Variants in MARCHF1 observed in about 807,000 individuals in gnomAD.
The protein encoded by MARCHF1 is E3 ubiquitin-protein ligase MARCHF1.
In MARCHF1, 40 loss-of-function variants were observed where a neutral mutation model predicts 54.2. That is an observed-to-expected ratio of 0.74 (90% CI 0.57 to 0.96). The LOEUF (loss-of-function observed/expected upper bound fraction) is 0.96, where lower values mean the gene tolerates loss of function less well. Among genes scored for constraint, MARCHF1 ranks in the 40% least tolerant of loss-of-function variants. The pLI is 0.00. For missense variants in MARCHF1, 586 were observed against 656.5 expected, an observed-to-expected ratio of 0.89 and a Z score of 1.17; for synonymous variants, 236 against 236.3, an observed-to-expected ratio of 1.00 and a Z score of 0.01.
At chr4:164,333,174 A>T (rs1261729176) in intron 1 of MARCHF1, among the ~76,000 whole-genome samples, 1 of 152,118 alleles carries the variant, frequency 6.6e-6, no homozygotes, top group Non-Finnish European at 1.5e-5. Flanking sequence ...TCCTCTCCAC[A>T]TGTGTTTCAG....
Position 164,170,790 on chromosome 4 carries a change from T to G in MARCHF1, c.-322-59128A>C, listed in dbSNP as rs1730504630. 3.3e-5 allele frequency among the ~76,000 whole-genome samples: 5 copies of G among 152,030 alleles called. No homozygotes were observed. The South Asian group carries it at 1.0e-3, about 31-fold the overall frequency. On this transcript the variant is annotated intron_variant, in intron 1 of 9. Coordinates refer to ENST00000514618, the MANE Select transcript of MARCHF1 (RefSeq NM_001394959.1). ...TAAAAGTTAAATAGTAGGAAAAAAT[T>G]TATTCAAAACTAATGGACGAAATCA...
chr4:163,646,438 G>C (rs1742762518), intron 5 of MARCHF1, among the ~76,000 whole-genome samples: 3 of 151,962 alleles, frequency 2.0e-5, no homozygotes, highest in African/African-American at 7.2e-5. Context: ...ACATATAAAA[G>C]TTAAAAAGAC....
chr4:164,091,728 A>G (rs2111134063), intron 2 of MARCHF1, among the ~76,000 whole-genome samples: 1 of 152,162 alleles, frequency 6.6e-6, no homozygotes, highest in East Asian at 1.9e-4. Flanking sequence ...GAAATGTTGT[A>G]TTGTGACTAA....
intron 8 of MARCHF1, among the ~76,000 whole-genome samples, chr4:163,556,718 A>C (rs1405425276): frequency 6.6e-6 from 1 of 152,106 alleles, no homozygotes; most frequent in African/African-American, 2.4e-5. Context: ...AGTTTTGGAT[A>C]TAATAATACT....
At chr4:164,281,995 G>A (rs1438307905) in intron 1 of MARCHF1, among the ~76,000 whole-genome samples, 1 of 145,478 alleles carries the variant, frequency 6.9e-6, no homozygotes, top group African/African-American at 2.5e-5. Flanking sequence ...GTCATGTTTA[G>A]GCTTCATTCC....
intron 1 of MARCHF1, among the ~76,000 whole-genome samples, chr4:164,185,788 TCA>T (rs201883110): frequency 6.9e-5 from 10 of 144,676 alleles, no homozygotes; most frequent in Middle Eastern, 3.5e-3. Flanking sequence ...TTAAAACTAG[TCA>T]CACACACACA....
At chr4:163,957,900 C>G (rs957495315) in intron 3 of MARCHF1, among the ~76,000 whole-genome samples, 1 of 152,020 alleles carries the variant, frequency 6.6e-6, no homozygotes, top group Non-Finnish European at 1.5e-5. Context: ...CTGCTCAATT[C>G]ATGTTTCTCT....
At chr4:164,363,133 G>A (rs1292187344) in intron 1 of MARCHF1, among the ~76,000 whole-genome samples, 2 of 151,774 alleles carry the variant, frequency 1.3e-5, no homozygotes, top group African/African-American at 4.8e-5. Context: ...GACTTTTATA[G>A]AATCAATAAA....
At chr4:163,961,730 C>T (rs903902850) in intron 3 of MARCHF1, among the ~76,000 whole-genome samples, 8 of 151,870 alleles carry the variant, frequency 5.3e-5, no homozygotes, top group Non-Finnish European at 8.8e-5. Flanking sequence ...TTCTCTTTGA[C>T]GCCTTTTTCC....
chr4:163,850,984 A>C (rs1232597670), intron 4 of MARCHF1, among the ~76,000 whole-genome samples: 2 of 152,312 alleles, frequency 1.3e-5, no homozygotes, highest in East Asian at 1.9e-4. Flanking sequence ...TTGAACAACA[A>C]AGGTCCAGTG....
intron 1 of MARCHF1, among the ~76,000 whole-genome samples, chr4:164,146,687 G>A (rs1351408679): frequency 6.6e-6 from 1 of 152,038 alleles, no homozygotes; most frequent in African/African-American, 2.4e-5. Flanking sequence ...ATGGATTAAA[G>A]ACTTAAACAT....
At chr4:163,940,459 G>A (rs1357346204) in intron 3 of MARCHF1, among the ~76,000 whole-genome samples, 2 of 152,016 alleles carry the variant, frequency 1.3e-5, no homozygotes, top group East Asian at 1.9e-4. Context: ...AAATATGTAC[G>A]CATATGGTAG....
intron 1 of MARCHF1, among the ~76,000 whole-genome samples, chr4:164,212,070 G>A (rs1378373656): frequency 6.6e-6 from 1 of 150,474 alleles, no homozygotes; most frequent in Non-Finnish European, 1.5e-5. Context: ...CTCTCAAAGT[G>A]ATGATGATGA....
intron 7 of MARCHF1, among the ~76,000 whole-genome samples, chr4:163,595,842 T>TTACAGCA (rs1040938501): frequency 7.2e-5 from 11 of 152,108 alleles, no homozygotes; most frequent in Admixed American, 7.2e-4. Context: ...TACAACACTG[T>TTACAGCA]GCCTATAGTT....
chr4:163,790,662 A>T (rs1412730792), intron 4 of MARCHF1, among the ~76,000 whole-genome samples: 1 of 152,096 alleles, frequency 6.6e-6, no homozygotes, highest in Non-Finnish European at 1.5e-5. Flanking sequence ...TATAAGCATA[A>T]TTTTTTCACA....
At chr4:163,940,100 A>G (rs4388043) in intron 3 of MARCHF1, among the ~76,000 whole-genome samples, 145,204 of 152,142 alleles carry the variant, frequency 0.95, 69,664 homozygotes, top group East Asian at 1. Flanking sequence ...ACCATGTGAT[A>G]ATACAATGAT....
At position 163,889,223 on chromosome 4, in the gene MARCHF1, G is replaced by A. The variant is rs1287442932; in HGVS notation, c.-38-35054C>T. On this transcript the variant is annotated intron_variant, in intron 3 of 9. Transcript: ENST00000514618. ...GAGTCCTCACTATGCGCCAGGCACT[G>A]TATTAGGTACTTTGTTAAGTATCAG... is the stretch of plus-strand genomic sequence containing the variant. Among the ~76,000 whole-genome samples the A allele has an allele frequency of 2.0e-5, 3 of 152,136 alleles. No homozygotes were observed. In the East Asian group the frequency reaches 5.8e-4, roughly 29 times the overall value.
At chr4:163,574,968 G>A (rs541127262) in intron 8 of MARCHF1, among the ~76,000 whole-genome samples, 1 of 151,856 alleles carries the variant, frequency 6.6e-6, no homozygotes, top group African/African-American at 2.4e-5. Context: ...TCTTCCATTT[G>A]TTTGTATCCT....
chr4:164,011,946 C>A (rs1753429631), intron 2 of MARCHF1, among the ~76,000 whole-genome samples: 1 of 152,072 alleles, frequency 6.6e-6, no homozygotes, highest in African/African-American at 2.4e-5. Context: ...TATATTGGAA[C>A]TCACTTCTGC....
Sources: gnomAD v4.1 joint callset for allele counts (sites outside exome capture counted in the v4.1 genomes callset) on GRCh38, gnomAD v4.1.1 for gene constraint, MANE v1.5 for transcripts, NCBI Gene and HGNC (gene_info 2026-07-23, HGNC 2026-07-21) for gene names.